Variants in IQANK1 observed in about 807,000 individuals in gnomAD.
IQANK1 encodes the protein IQ motif and ankyrin repeat containing 1, also known as IQ motif and ankyrin repeat domain-containing protein 1.
Under a neutral mutation model 22.6 loss-of-function variants are expected in IQANK1, and 30 were observed. That is an observed-to-expected ratio of 1.33 (90% CI 0.99 to 1.80). The LOEUF (loss-of-function observed/expected upper bound fraction) is 1.80. Ranked by LOEUF, IQANK1 falls within the 40% of genes most tolerant of loss-of-function variation. The pLI is 0.00. For synonymous variants in IQANK1, 122 were observed against 99.6 expected (o/e 1.23, Z -1.34); for missense variants, 275 against 235.2 (o/e 1.17, Z -1.11).
intron 2 of IQANK1, 122 bp from the exon 3 acceptor site, chr8:143,739,737 C>T (rs1385545005): frequency 1.2e-5 from 7 of 577,510 alleles, no homozygotes; most frequent in African/African-American, 5.7e-5. Context: ...GGAGGAGGCC[C>T]GGGTGGGGGG....
intron 7 of IQANK1, among the ~76,000 whole-genome samples, chr8:143,780,217 C>T (rs147238258): frequency 6.6e-6 from 1 of 152,148 alleles, no homozygotes; most frequent in East Asian, 1.9e-4. Flanking sequence ...GTATAAAGTT[C>T]CCAGTTTAAT....
chr8:143,783,646 C>T (rs1194728475), intron 7 of IQANK1, among the ~76,000 whole-genome samples: 2 of 152,192 alleles, frequency 1.3e-5, no homozygotes, highest in Non-Finnish European at 2.9e-5. Flanking sequence ...GAAGTCTCTC[C>T]ATCCTCCCAA....
intron 3 of IQANK1, among the ~76,000 whole-genome samples, chr8:143,754,388 G>C (rs1330156519): frequency 6.6e-6 from 1 of 152,218 alleles, no homozygotes; most frequent in East Asian, 1.9e-4. Context: ...ACGCCAAGGT[G>C]TTTCAGCCAG....
Position 143,735,208 on chromosome 8 carries a change from G to A in IQANK1, c.-4-642G>A, listed in dbSNP as rs1554625486. 2.0e-5 allele frequency among the ~76,000 whole-genome samples: 3 copies of A among 152,392 alleles called. No homozygotes were observed. The highest frequency in any genetic ancestry group is 6.5e-5 in the Admixed American group (1 of 15,312). ...TGCCCAGGCAACTGTGCTGCAGCGGGTGAGGGGCATGGGGCACCGGGGAGG... is the reference window on the plus strand; with the variant it reads ...TGCCCAGGCAACTGTGCTGCAGCGGATGAGGGGCATGGGGCACCGGGGAGG... On this transcript the variant is annotated intron_variant, in intron 1 of 13. Transcript: ENST00000527139. The surrounding 1 kb of genome is among the most constrained non-coding windows in gnomAD (Gnocchi z 5.2).
At chr8:143,789,109 C>T (rs529000545) in intron 8 of IQANK1, 46 bp downstream of exon 8, 17 of 401,216 alleles carry the variant, frequency 4.2e-5, no homozygotes, top group Admixed American at 4.4e-5. Flanking sequence ...TGGCAAGGGG[C>T]GCTGGCAGGG....
At chr8:143,766,002 C>T (rs1278765689) in intron 3 of IQANK1, among the ~76,000 whole-genome samples, 4 of 152,194 alleles carry the variant, frequency 2.6e-5, no homozygotes, top group Non-Finnish European at 4.4e-5. Context: ...TGTGCCAAGC[C>T]GTCTGCTGAC....
intron 3 of IQANK1, among the ~76,000 whole-genome samples, chr8:143,748,898 A>AATATATATATCATATAT (rs1819110152): frequency 1.1e-4 from 3 of 28,362 alleles, no homozygotes; most frequent in Admixed American, 5.6e-4. Flanking sequence ...TAAATACTTA[A>AATATATATATCATATAT]AAATATACAT....
chr8:143,751,656 G>A (rs367930421), intron 3 of IQANK1, among the ~76,000 whole-genome samples: 12,735 of 39,300 alleles, frequency 0.32, 2,249 homozygotes, highest in African/African-American at 0.49. Context: ...GTGTGTGTGT[G>A]TGTGTGTGTA....
chr8:143,737,457 T>C (rs1818773138), intron 2 of IQANK1, among the ~76,000 whole-genome samples: 1 of 152,230 alleles, frequency 6.6e-6, no homozygotes, highest in African/African-American at 2.4e-5. Context: ...GCAGGCTTGC[T>C]GTCCCTTGGT....
intron 7 of IQANK1, among the ~76,000 whole-genome samples, chr8:143,776,042 C>T (rs1222272683): frequency 6.8e-6 from 1 of 146,692 alleles, no homozygotes; most frequent in Non-Finnish European, 1.5e-5. Flanking sequence ...ATCCCAGCGG[C>T]CGGGCGCGGC....
intron 2 of IQANK1, among the ~76,000 whole-genome samples, chr8:143,737,295 T>G (rs1174408383): frequency 6.6e-6 from 1 of 152,224 alleles, no homozygotes; most frequent in African/African-American, 2.4e-5. Flanking sequence ...ACCTACTGAC[T>G]GCACACCCAG....
chr8:143,777,204 A>G (rs1819703805), intron 7 of IQANK1, among the ~76,000 whole-genome samples: 1 of 152,134 alleles, frequency 6.6e-6, no homozygotes, highest in Non-Finnish European at 1.5e-5. Context: ...TCATATATAC[A>G]TATATACACA....
At chr8:143,787,389 G>GC (rs1205369651) in intron 7 of IQANK1, among the ~76,000 whole-genome samples, 2 of 151,960 alleles carry the variant, frequency 1.3e-5, no homozygotes, top group East Asian at 3.9e-4. Flanking sequence ...CATGTCCCTG[G>GC]CCCCCCACAG....
At chr8:143,748,833 A>ATATATAAATATATAAATATATATATCG (rs1819104919) in intron 3 of IQANK1, among the ~76,000 whole-genome samples, 2 of 114,944 alleles carry the variant, frequency 1.7e-5, no homozygotes, top group Admixed American at 1.1e-4. Context: ...TATATATTTC[A>ATATATAAATATATAAATATATATATCG]TATATAAATA....
Position 143,736,186 on chromosome 8 carries a change from G to T in IQANK1, c.85+248G>T, listed in dbSNP as rs532681614. ...GACGGAGTCTCGCTCTTGTCACCCA[G>T]TCGAGTGCAATGGCGCAATCCCTCC... is the stretch of plus-strand genomic sequence containing the variant. On this transcript the variant is annotated intron_variant, in intron 2 of 13. Coordinates refer to ENST00000527139, the MANE Select transcript of IQANK1 (RefSeq NM_001381874.1). 1.9e-3 allele frequency among the ~76,000 whole-genome samples: 281 copies of T among 148,750 alleles called. 1 individual carries two copies. The highest frequency in any genetic ancestry group is 3.5e-3 in the Non-Finnish European group (240 of 67,628).
chr8:143,789,720 A>AT, intron 10 of IQANK1, 41 bp from the exon 11 acceptor site: 1 of 1,227,056 alleles, frequency 8.1e-7, no homozygotes. Context: ...CAGCCAGAGC[A>AT]TGGGGCAGGG....
At chr8:143,745,411 C>T (rs59721847) in intron 3 of IQANK1, 3,034 of 152,316 alleles carry the variant, frequency 0.02, 96 homozygotes, top group African/African-American at 0.061. Flanking sequence ...TTCACTCATT[C>T]GTGCATTTCT....
chr8:143,767,112 T>G (rs1241242210), intron 3 of IQANK1, among the ~76,000 whole-genome samples: 1 of 152,262 alleles, frequency 6.6e-6, no homozygotes, highest in Non-Finnish European at 1.5e-5. Context: ...CTTCTTTGAA[T>G]TATTTGCCAT....
At position 143,790,017 on chromosome 8, in the gene IQANK1, C is replaced by A; in HGVS notation, c.1242C>A (p.His414Gln). 3 of 1,232,070 alleles carry A rather than the reference C, an allele frequency of 2.4e-6. No individual in the cohort carries two copies. The highest frequency in any genetic ancestry group is 3.0e-6 in the Non-Finnish European group (3 of 988,016). The allele number at this position is 1,232,070 out of a possible 1,614,324, so 76.3% of individuals were successfully genotyped here. Reference sequence around the variant, plus strand: ...TGAAGTGCCAGGTCACCGAGCTGCACGATGTGCTGATGAAAGATGTAGGCA... The same window carrying A: ...TGAAGTGCCAGGTCACCGAGCTGCAAGATGTGCTGATGAAAGATGTAGGCA... Reference protein sequence around the residue: ...PGLKCQVTELHDVLMKDVGNR... With the variant: ...PGLKCQVTELQDVLMKDVGNR... Residue 414 changes from histidine (H) to glutamine (Q), a missense_variant, in exon 12 of 14, where the codon CAC (histidine) becomes CAA (glutamine). Physicochemically the swap from His to Gln is conservative, Grantham distance 24 (BLOSUM62 0). Coordinates refer to ENST00000527139, the MANE Select transcript of IQANK1 (RefSeq NM_001381874.1).
Sources: gnomAD v4.1 joint callset for allele counts (sites outside exome capture counted in the v4.1 genomes callset) on GRCh38, gnomAD v4.1.1 for gene constraint, Gnocchi (gnomAD v3.1) non-coding constraint, MANE v1.5 for transcripts, NCBI Gene and HGNC (gene_info 2026-07-23, HGNC 2026-07-21) for gene names.